Variants in AGPS observed in about 807,000 individuals in gnomAD.
The protein encoded by AGPS is alkyldihydroxyacetonephosphate synthase, peroxisomal.
A neutral mutation model predicts 90.7 loss-of-function variants in AGPS; 26 were observed. The observed-to-expected ratio is 0.29, with a 90% CI of 0.21 to 0.40. The LOEUF is 0.40. Among genes scored for constraint, AGPS ranks in the 10% least tolerant of loss-of-function variants. The probability of loss-of-function intolerance (pLI) is 1.00; values close to 1 mark genes in which losing one functional copy is unlikely to be tolerated. For synonymous variants in AGPS, 294 were observed against 285.3 expected (o/e 1.03, Z -0.31); for missense variants, 540 against 816.1 (o/e 0.66, Z 4.12).
chr2:177,527,552 G>A (rs1185532619), intron 19 of AGPS, among the ~76,000 whole-genome samples: 2 of 151,826 alleles, frequency 1.3e-5, no homozygotes, highest in African/African-American at 4.8e-5. Flanking sequence ...TGTTTTCTCA[G>A]TTCTTTCCCA....
intron 9 of AGPS, among the ~76,000 whole-genome samples, chr2:177,467,414 GTA>G (rs1687486517): frequency 6.6e-6 from 1 of 151,808 alleles, no homozygotes; most frequent in Non-Finnish European, 1.5e-5. Flanking sequence ...AATTTCTTTG[GTA>G]TATACATCTT....
At chr2:177,520,664 T>C (rs1043688731) in intron 17 of AGPS, among the ~76,000 whole-genome samples, 1 of 152,228 alleles carries the variant, frequency 6.6e-6, no homozygotes, top group Non-Finnish European at 1.5e-5. Flanking sequence ...AATTTTGTCT[T>C]ATACAAGTCA....
At chr2:177,511,390 G>C (rs1412942740) in intron 16 of AGPS, among the ~76,000 whole-genome samples, 1 of 152,032 alleles carries the variant, frequency 6.6e-6, no homozygotes, top group African/African-American at 2.4e-5. Context: ...GAGCCACTGT[G>C]CCTAGCCGAT....
At position 177,445,640 on chromosome 2, in the gene AGPS, T is replaced by C. The variant is rs1352715962; in HGVS notation, c.870+14T>C. ...TTGGAAAGACAGGTATGTTATTTATTTTTCTTATTTTTTTAAATTAACTTA... is the reference window on the plus strand; with the variant it reads ...TTGGAAAGACAGGTATGTTATTTATCTTTCTTATTTTTTTAAATTAACTTA... On this transcript the variant is annotated intron_variant, in intron 8 of 19. Transcript: ENST00000264167. The C allele has an allele frequency of 6.5e-7, 1 of 1,533,012 alleles. No homozygotes were observed. Among genetic ancestry groups the C allele is most frequent in the Non-Finnish European group, 8.8e-7 (1 of 1,133,432 alleles). 95.0% of individuals were successfully genotyped at this position (1,533,012 alleles called of 1,614,324 possible).
At chr2:177,527,632 A>C (rs1354756836) in intron 19 of AGPS, among the ~76,000 whole-genome samples, 1 of 152,122 alleles carries the variant, frequency 6.6e-6, no homozygotes. Flanking sequence ...CAGCAGTATC[A>C]GGTAATAGAA....
chr2:177,427,027 AT>A (rs1340097793), intron 2 of AGPS, among the ~76,000 whole-genome samples: 16 of 151,966 alleles, frequency 1.1e-4, no homozygotes, highest in Non-Finnish European at 1.8e-4. Context: ...TTACTGTCTC[AT>A]TTTCAGAACT....
chr2:177,499,805 A>C, intron 14 of AGPS, 75 bp downstream of exon 14: 1 of 962,082 alleles, frequency 1.0e-6, no homozygotes, highest in Non-Finnish European at 1.7e-6. Flanking sequence ...CAATTATTAA[A>C]GTACTAGGCA....
rs34744592 is a variant in AGPS at position 177,392,996 on chromosome 2, A to G, written c.207A>G (p.Ala69=). ...KARRAASAAT[A]APTATPAAQE... ...GGAGAGCCGCGTCGGCGGCCACGGCAGCGCCCACGGCCACTCCCGCCGCGC... is the reference window on the plus strand; with the variant it reads ...GGAGAGCCGCGTCGGCGGCCACGGCGGCGCCCACGGCCACTCCCGCCGCGC... The change falls in exon 1 of 20, where the codon GCA becomes GCG. Residue 69 remains alanine (A), a synonymous_variant. Transcript: ENST00000264167. 21,547 of 1,550,126 alleles carry G rather than the reference A, an allele frequency of 0.014. 404 individuals carry two copies. Among genetic ancestry groups the G allele is most frequent in the African/African-American group, 0.06 (4,401 of 73,152 alleles).
intron 8 of AGPS, among the ~76,000 whole-genome samples, chr2:177,461,450 A>T (rs1011702990): frequency 6.6e-6 from 1 of 152,248 alleles, no homozygotes; most frequent in Non-Finnish European, 1.5e-5. Context: ...GGCCTGCTGC[A>T]TATTACATTA....
chr2:177,473,026 C>T (rs1338321749), intron 10 of AGPS, among the ~76,000 whole-genome samples: 1 of 152,204 alleles, frequency 6.6e-6, no homozygotes, highest in Non-Finnish European at 1.5e-5. Flanking sequence ...TCTAGTTCCT[C>T]TGTTACTCTC....
chr2:177,424,883 G>A (rs1192070133), intron 2 of AGPS, among the ~76,000 whole-genome samples: 5 of 152,166 alleles, frequency 3.3e-5, no homozygotes, highest in Admixed American at 1.3e-4. Flanking sequence ...GTCTTCTTTT[G>A]AGAAGTGTCT....
At chr2:177,469,674 C>T (rs1362741585) in intron 10 of AGPS, among the ~76,000 whole-genome samples, 2 of 152,148 alleles carry the variant, frequency 1.3e-5, no homozygotes, top group Non-Finnish European at 2.9e-5. Context: ...ACTAATGCAT[C>T]ATCTACAAAT....
At chr2:177,394,508 G>A (rs1229084783) in intron 1 of AGPS, among the ~76,000 whole-genome samples, 3 of 152,180 alleles carry the variant, frequency 2.0e-5, no homozygotes, top group African/African-American at 4.8e-5. Context: ...GACAGGGGAC[G>A]AAGACTGGAG....
chr2:177,488,247 C>T (rs1385537666), intron 11 of AGPS, among the ~76,000 whole-genome samples: 1 of 150,558 alleles, frequency 6.6e-6, no homozygotes, highest in African/African-American at 2.4e-5. Context: ...GATTCTCTCT[C>T]TGTCACCCAG....
At chr2:177,417,710 T>C (rs1283759492) in intron 1 of AGPS, among the ~76,000 whole-genome samples, 3 of 152,202 alleles carry the variant, frequency 2.0e-5, no homozygotes, top group East Asian at 1.9e-4. Flanking sequence ...GCAATTGAAC[T>C]GGATGGGTTC....
At chr2:177,430,672 C>T (rs998426066) in intron 2 of AGPS, among the ~76,000 whole-genome samples, 1 of 151,996 alleles carries the variant, frequency 6.6e-6, no homozygotes, top group African/African-American at 2.4e-5. Flanking sequence ...CTCCATGGGT[C>T]CAGCTGTCTG....
At chr2:177,530,448 G>A (rs1173799968) in intron 19 of AGPS, among the ~76,000 whole-genome samples, 1 of 152,132 alleles carries the variant, frequency 6.6e-6, no homozygotes, top group African/African-American at 2.4e-5. Context: ...GAGCTTTTGA[G>A]AGATCACTTA....
chr2:177,393,376 G>T (rs1263556929), intron 1 of AGPS: 4 of 985,278 alleles, frequency 4.1e-6, no homozygotes, highest in Non-Finnish European at 4.8e-6. Context: ...AATACTTTTG[G>T]TGCTGAGGTC....
At chr2:177,398,496 A>G (rs1311255818) in intron 1 of AGPS, among the ~76,000 whole-genome samples, 2 of 152,228 alleles carry the variant, frequency 1.3e-5, no homozygotes. Context: ...GTGAAATGAA[A>G]GAGATGGCAT....
Sources: allele counts gnomAD v4.1 joint callset (sites outside exome capture counted in the v4.1 genomes callset), GRCh38; gene constraint gnomAD v4.1.1; transcripts MANE v1.5; gene names NCBI Gene and HGNC (gene_info 2026-07-23, HGNC 2026-07-21).